The following GABPB2 variants were observed in gnomAD, a reference collection of about 807,000 sequenced individuals.
GABPB2 encodes the protein GA-binding protein subunit beta-2.
GABPB2 carries 23 observed loss-of-function variants against 39.1 expected under a neutral mutation model. The observed-to-expected ratio is 0.59, with a 90% CI of 0.42 to 0.83. The LOEUF (loss-of-function observed/expected upper bound fraction) is 0.83, where lower values mean the gene tolerates loss of function less well. Ranked by LOEUF, GABPB2 falls within the 40% of genes least tolerant of loss-of-function variation. GABPB2 has a pLI of 0.00. For missense variants in GABPB2, 467 were observed against 541.1 expected (o/e 0.86, Z 1.36); for synonymous variants, 184 against 199.3 (o/e 0.92, Z 0.65).
In GABPB2 at chr1:151,103,630, C is replaced by T. The variant is rs760314778; in HGVS notation, c.691C>T (p.Leu231Phe). Residue 231 changes from leucine (L) to phenylalanine (F), a missense_variant, in exon 6 of 9, where the codon CTT becomes TTT. Coordinates refer to ENST00000368918, the MANE Select transcript of GABPB2 (RefSeq NM_144618.3). ...TTSVLATLAA[L>F]AEASVPLSNS... ...CTCAGTGCTGGCTACCCTTGCAGCTCTTGCTGAGGCATCAGTCCCCCTCTC... is the reference window on the plus strand; with the variant it reads ...CTCAGTGCTGGCTACCCTTGCAGCTTTTGCTGAGGCATCAGTCCCCCTCTC... The T allele has an allele frequency of 3.7e-6, 6 of 1,614,132 alleles. No individual in the cohort carries two copies. The highest frequency in any genetic ancestry group is 5.1e-6 in the Non-Finnish European group (6 of 1,180,000).
Position 151,093,222 on chromosome 1 carries a change from CTGAAGATGACAGCTT to C in GABPB2, c.310_324del (p.Lys104_Leu108del). 6.2e-7 allele frequency: 1 copy of C among 1,602,994 alleles called. No individual in the cohort carries two copies. The highest frequency in any genetic ancestry group is 1.3e-5 in the African/African-American group (1 of 74,410). ...TGCAGATGTGAATGCCAAGGACATGCTGAAGATGACAGCTTTGCATTGGGCCACAGAGCGCCACCA... is the reference window on the plus strand; with the variant it reads ...TGCAGATGTGAATGCCAAGGACATGCTGCATTGGGCCACAGAGCGCCACCA... On this transcript the variant is annotated inframe_deletion, in exon 4 of 9. Coordinates refer to ENST00000368918, the MANE Select transcript of GABPB2 (RefSeq NM_144618.3).
At chr1:151,109,685 T>C (rs1366179772) in intron 7 of GABPB2, among the ~76,000 whole-genome samples, 2 of 151,522 alleles carry the variant, frequency 1.3e-5, no homozygotes, top group Admixed American at 1.3e-4. Flanking sequence ...TTGTTTTGTT[T>C]TTGTTTTTGA....
rs764314049 is a variant in GABPB2, at chr1:151,117,383, G to C, written c.923-9G>C. ...TCATCACCTCCAATTGGTGTCCTTT[G>C]ACTTGTAGTTCTAACTGTACCTGCT... On this transcript the variant is annotated splice_polypyrimidine_tract_variant and intron_variant, in intron 7 of 8. Coordinates refer to ENST00000368918, the MANE Select transcript of GABPB2 (RefSeq NM_144618.3). 8.7e-6 allele frequency: 14 copies of C among 1,612,814 alleles called. 1 individual carries two copies. The East Asian group carries it at 2.9e-4, about 33-fold the overall frequency.
At chr1:151,112,674 A>T (rs1680546474) in intron 7 of GABPB2, 4 of 207,540 alleles carry the variant, frequency 1.9e-5, no homozygotes, top group Non-Finnish European at 4.1e-5. Flanking sequence ...TGACAAGAGC[A>T]AGAACCCTGG....
rs1398866385 is a variant in GABPB2, at chr1:151,090,660, T to C, written c.276+87T>C. The C allele has an allele frequency of 6.1e-6, 8 of 1,302,704 alleles. No individual in the cohort carries two copies. In the African/African-American group the frequency reaches 1.0e-4, roughly 17 times the overall value. 80.7% of individuals were successfully genotyped at this position (1,302,704 alleles called of 1,614,324 possible). The stretch of plus-strand genomic sequence containing the variant: ...ACTTAAATGGGTACTAGGAAATGAC[T>C]TGGGAATGATTAAGTTTAGGACAGT... On this transcript the variant is annotated intron_variant, in intron 3 of 8. Transcript: ENST00000368918.
At chr1:151,077,437 G>T (rs1382166926) in intron 1 of GABPB2, among the ~76,000 whole-genome samples, 2 of 143,174 alleles carry the variant, frequency 1.4e-5, no homozygotes, top group African/African-American at 5.1e-5. Context: ...GCTCACTGCA[G>T]CCTCTACCTC....
At chr1:151,107,534 C>G (rs1680063630) in intron 7 of GABPB2, among the ~76,000 whole-genome samples, 1 of 150,286 alleles carries the variant, frequency 6.7e-6, no homozygotes, top group South Asian at 2.1e-4. Flanking sequence ...GGGATTCTCA[C>G]TCTCTCACCC....
At chr1:151,116,766 C>T (rs995664328) in intron 7 of GABPB2, among the ~76,000 whole-genome samples, 2 of 152,072 alleles carry the variant, frequency 1.3e-5, no homozygotes, top group Admixed American at 6.6e-5. Flanking sequence ...CTCCACCATG[C>T]CTGGCTAATT....
At chr1:151,097,770 C>T (rs1196173738) in intron 4 of GABPB2, 82 bp from the exon 5 acceptor site, 1 of 1,349,988 alleles carries the variant, frequency 7.4e-7, no homozygotes, top group Admixed American at 2.2e-5. Flanking sequence ...CAGAGTGAGA[C>T]TGTCTCAAAA....
At chr1:151,072,623 A>C (rs1253952569) in intron 1 of GABPB2, among the ~76,000 whole-genome samples, 1 of 152,154 alleles carries the variant, frequency 6.6e-6, no homozygotes, top group Non-Finnish European at 1.5e-5. Flanking sequence ...AGGTGGGTGG[A>C]TCACCTGAGG....
intron 7 of GABPB2, among the ~76,000 whole-genome samples, chr1:151,109,175 C>G (rs1680190158): frequency 6.6e-6 from 1 of 151,560 alleles, no homozygotes; most frequent in Non-Finnish European, 1.5e-5. Context: ...GCCTGGGCAA[C>G]AGAGCAAAAC....
intron 5 of GABPB2, among the ~76,000 whole-genome samples, chr1:151,100,293 T>A (rs1679413395): frequency 6.6e-6 from 1 of 151,934 alleles, no homozygotes. Flanking sequence ...TACAGGCGCC[T>A]GCCACCATGC....
At chr1:151,111,657 C>G (rs1417126914) in intron 7 of GABPB2, among the ~76,000 whole-genome samples, 3 of 151,224 alleles carry the variant, frequency 2.0e-5, no homozygotes, top group Non-Finnish European at 4.4e-5. Flanking sequence ...CGTGATCCAC[C>G]CGCCTCGGCC....
chr1:151,113,449 A>G (rs1463530141), intron 7 of GABPB2, among the ~76,000 whole-genome samples: 2 of 150,084 alleles, frequency 1.3e-5, no homozygotes, highest in Admixed American at 6.6e-5. Flanking sequence ...AACCTGGGCA[A>G]CAGAGGGAGA....
At chr1:151,084,493 T>C (rs1005007034) in intron 1 of GABPB2, among the ~76,000 whole-genome samples, 1 of 150,536 alleles carries the variant, frequency 6.6e-6, no homozygotes, top group African/African-American at 2.4e-5. Context: ...CCCAAAGTGC[T>C]GGGATTACAG....
chr1:151,117,267 C>T, intron 7 of GABPB2, 125 bp from the exon 8 acceptor site: 2 of 994,110 alleles, frequency 2.0e-6, no homozygotes, highest in Non-Finnish European at 1.5e-6. Flanking sequence ...TAGCTAGGAC[C>T]ACAGGCACAC....
chr1:151,121,469 A>G lies in GABPB2; in HGVS notation c.*3213A>G, dbSNP rs4970999. On this transcript the variant is annotated 3_prime_UTR_variant, in exon 9 of 9. Coordinates refer to ENST00000368918, the MANE Select transcript of GABPB2 (RefSeq NM_144618.3). ...CTTTTTTTTTTTGAGACGGAGTTTC[A>G]CTCTTGTTGCCCAGGCTGGAGTGCA... is the stretch of plus-strand genomic sequence containing the variant. 0.82 allele frequency: 125,189 copies of G among 152,504 alleles called. 51,376 individuals are homozygous for G. Among genetic ancestry groups the G allele is most frequent in the East Asian group, 0.91 (4,761 of 5,214 alleles). The allele number at this position is 152,504 out of a possible 1,614,324, so 9.4% of individuals were successfully genotyped here. A position where few individuals can be genotyped will look rare whatever the true frequency, so the allele number is the denominator to read the frequency against.
At chr1:151,110,286 C>T (rs1468665516) in intron 7 of GABPB2, among the ~76,000 whole-genome samples, 1 of 151,448 alleles carries the variant, frequency 6.6e-6, no homozygotes, top group East Asian at 1.9e-4. Flanking sequence ...TATTATAATC[C>T]AAACTTTGGT....
At chr1:151,075,518 T>C (rs1280385175) in intron 1 of GABPB2, among the ~76,000 whole-genome samples, 2 of 144,632 alleles carry the variant, frequency 1.4e-5, no homozygotes, top group African/African-American at 2.6e-5. Flanking sequence ...GAGCCGAGAT[T>C]GTGCCACTGC....
Sources: gnomAD v4.1 joint callset for allele counts (sites outside exome capture counted in the v4.1 genomes callset) on GRCh38, gnomAD v4.1.1 for gene constraint, MANE v1.5 for transcripts, NCBI Gene and HGNC (gene_info 2026-07-23, HGNC 2026-07-21) for gene names.